OPCML: variants seen among roughly 807,000 people sequenced by gnomAD.
OPCML encodes the protein opioid-binding protein/cell adhesion molecule.
A neutral mutation model predicts 37.8 loss-of-function variants in OPCML; 13 were observed. The ratio of observed to expected loss-of-function variants is 0.34; its 90% CI spans 0.22 to 0.55. OPCML has a LOEUF of 0.55. Ranked by LOEUF, OPCML falls within the 20% of genes least tolerant of loss-of-function variation. OPCML has a pLI of 0.91. For synonymous variants in OPCML, 176 were observed against 168.8 expected (o/e 1.04, Z -0.33); for missense variants, 341 against 435.6 (o/e 0.78, Z 1.93).
intron 2 of OPCML, among the ~76,000 whole-genome samples, chr11:132,908,615 C>T (rs1944321177): frequency 6.6e-6 from 1 of 152,204 alleles, no homozygotes; most frequent in African/African-American, 2.4e-5. Flanking sequence ...ACTTGGACAA[C>T]AGTGTGGTCA....
At chr11:132,616,174 G>A (rs975667295) in intron 3 of OPCML, among the ~76,000 whole-genome samples, 11 of 152,166 alleles carry the variant, frequency 7.2e-5, no homozygotes, top group African/African-American at 2.7e-4. Context: ...GGCTTTCAGT[G>A]TGTTTTAAAA....
At chr11:133,503,055 A>G (rs558897695) in intron 1 of OPCML, among the ~76,000 whole-genome samples, 1 of 152,330 alleles carries the variant, frequency 6.6e-6, no homozygotes, top group East Asian at 1.9e-4. Context: ...ACAATTTGAA[A>G]GGACACAGGG....
At chr11:132,603,954 C>T (rs1439691370) in intron 3 of OPCML, among the ~76,000 whole-genome samples, 1 of 152,166 alleles carries the variant, frequency 6.6e-6, no homozygotes, top group African/African-American at 2.4e-5. Flanking sequence ...ATACTTTATG[C>T]TATAGCTCTA....
chr11:133,167,726 CACAG>C (rs1950230340), intron 1 of OPCML, among the ~76,000 whole-genome samples: 1 of 152,090 alleles, frequency 6.6e-6, no homozygotes, highest in Admixed American at 6.5e-5. Context: ...TGTATTGCAG[CACAG>C]ACAGACCTTT....
chr11:133,141,063 A>AGACGAAGACGAAGACGAAGACGAAGAC (rs1949811709), intron 1 of OPCML, among the ~76,000 whole-genome samples: 1 of 92,774 alleles, frequency 1.1e-5, no homozygotes, highest in African/African-American at 3.3e-5. Flanking sequence ...AAGAAGAAGA[A>AGACGAAGACGAAGACGAAGACGAAGAC]GAAGAAGAAG....
chr11:132,604,092 T>C (rs1294159629), intron 3 of OPCML, among the ~76,000 whole-genome samples: 1 of 152,176 alleles, frequency 6.6e-6, no homozygotes, highest in African/African-American at 2.4e-5. Context: ...TGTTAGCAAA[T>C]GATTCTAAAT....
chr11:133,462,885 T>C (rs1946887914), intron 1 of OPCML, among the ~76,000 whole-genome samples: 1 of 152,196 alleles, frequency 6.6e-6, no homozygotes. Flanking sequence ...TATGTGGCCA[T>C]GTTTATAATA....
At chr11:132,710,103 G>C (rs1309968402) in intron 2 of OPCML, among the ~76,000 whole-genome samples, 2 of 152,124 alleles carry the variant, frequency 1.3e-5, no homozygotes, top group Admixed American at 6.5e-5. Context: ...GTGTACGCTG[G>C]CGTCATATGT....
chr11:132,943,983 C>A lies in OPCML; in HGVS notation c.62-973G>T, dbSNP rs987120390. On this transcript the variant is annotated intron_variant, in intron 1 of 7. Transcript: ENST00000524381. The surrounding 1 kb of genome is among the most constrained non-coding windows in gnomAD (Gnocchi z 4.3). ...CCCTGACCGCCACTTTCTCCCGGTG[C>A]CGCCTCGGAGCGAGCGGGCTGGCGG... is the stretch of plus-strand genomic sequence containing the variant. 1.8e-4 allele frequency among the ~76,000 whole-genome samples: 27 copies of A among 151,868 alleles called. No homozygotes were observed. Among genetic ancestry groups the A allele is most frequent in the African/African-American group, 6.3e-4 (26 of 41,416 alleles).
intron 1 of OPCML, among the ~76,000 whole-genome samples, chr11:133,095,871 T>C (rs1948994778): frequency 6.6e-6 from 1 of 151,774 alleles, no homozygotes; most frequent in Admixed American, 6.6e-5. Flanking sequence ...TAAGAAATTA[T>C]CCTTCAATGG....
At chr11:133,066,701 G>A in intron 1 of OPCML, 1 of 152,996 alleles carries the variant, frequency 6.5e-6, no homozygotes, top group Non-Finnish European at 1.5e-5. Context: ...TTTTGAGATG[G>A]AGACTCACTC....
At chr11:132,666,592 T>C (rs1480592598) in intron 2 of OPCML, among the ~76,000 whole-genome samples, 1 of 152,208 alleles carries the variant, frequency 6.6e-6, no homozygotes, top group African/African-American at 2.4e-5. Flanking sequence ...GTCTAGAGAC[T>C]AGGCCACTCT....
rs114585329 is a variant in OPCML, at chr11:132,916,392, G to C, written c.146+26534C>G. On this transcript the variant is annotated intron_variant, in intron 2 of 7. Transcript: ENST00000524381. ...ATCAATGTGAAACATGAAAAACGGA[G>C]TCAGTGGCAAGCCTTCTACTGTGGA... Among the ~76,000 whole-genome samples, 1,208 of 152,220 alleles carry C rather than the reference G, an allele frequency of 7.9e-3. 17 individuals are homozygous for C. Among genetic ancestry groups the C allele is most frequent in the African/African-American group, 0.028 (1,160 of 41,540 alleles).
intron 2 of OPCML, among the ~76,000 whole-genome samples, chr11:132,758,676 C>G (rs1565839121): frequency 6.6e-6 from 1 of 152,122 alleles, no homozygotes; most frequent in African/African-American, 2.4e-5. Flanking sequence ...GCTGAAGTTG[C>G]TTATCAGCTT....
At chr11:133,452,396 T>A (rs1262634252) in intron 1 of OPCML, among the ~76,000 whole-genome samples, 1 of 151,590 alleles carries the variant, frequency 6.6e-6, no homozygotes, top group Admixed American at 6.6e-5. Context: ...GAACTATTTT[T>A]TTCTTAATTA....
chr11:132,979,163 C>T (rs1344177333), intron 1 of OPCML, among the ~76,000 whole-genome samples: 2 of 152,222 alleles, frequency 1.3e-5, no homozygotes, highest in African/African-American at 2.4e-5. Flanking sequence ...CCATTTCAAC[C>T]TGCTCTAAAC....
chr11:132,566,880 A>G (rs1341575660), intron 3 of OPCML, among the ~76,000 whole-genome samples: 1 of 152,104 alleles, frequency 6.6e-6, no homozygotes, highest in Admixed American at 6.5e-5. Context: ...TATTGGATGA[A>G]GACAGAATCC....
chr11:133,260,767 T>A (rs1187585754), intron 1 of OPCML, among the ~76,000 whole-genome samples: 1 of 152,184 alleles, frequency 6.6e-6, no homozygotes, highest in Non-Finnish European at 1.5e-5. Context: ...AGAGCCAGAT[T>A]TCAGTTGCCA....
intron 1 of OPCML, among the ~76,000 whole-genome samples, chr11:133,175,823 A>G (rs1164489179): frequency 2.0e-5 from 3 of 152,166 alleles, no homozygotes; most frequent in African/African-American, 7.2e-5. Flanking sequence ...GTGAAACACA[A>G]GCAAGAATGT....
Sources: gnomAD v4.1 joint callset for allele counts (sites outside exome capture counted in the v4.1 genomes callset) on GRCh38, gnomAD v4.1.1 for gene constraint, Gnocchi (gnomAD v3.1) non-coding constraint, MANE v1.5 for transcripts, NCBI Gene and HGNC (gene_info 2026-07-23, HGNC 2026-07-21) for gene names.